RHBDD2: variants seen among roughly 807,000 people sequenced by gnomAD.
RHBDD2 encodes the protein rhomboid domain containing 2, also known as rhomboid domain-containing protein 2.
Under a neutral mutation model 21.7 loss-of-function variants are expected in RHBDD2, and 13 were observed. The ratio of observed to expected loss-of-function variants is 0.60; its 90% confidence interval spans 0.39 to 0.95. The LOEUF is 0.95. Ranked by LOEUF, RHBDD2 falls within the 40% of genes least tolerant of loss-of-function variation. RHBDD2 has a pLI of 0.00. For synonymous variants in RHBDD2, 225 were observed against 220.0 expected (o/e 1.02, Z -0.20); for missense variants, 473 against 478.9 (o/e 0.99, Z 0.11).
chr7:75,880,753 G>A (rs1394026952), intron 1 of RHBDD2, among the ~76,000 whole-genome samples: 1 of 151,936 alleles, frequency 6.6e-6, no homozygotes, highest in African/African-American at 2.4e-5. Context: ...TTAGAGATAG[G>A]GTCTTCGTCT....
chr7:75,883,082 A>G (rs531869139), intron 2 of RHBDD2, among the ~76,000 whole-genome samples: 1 of 152,316 alleles, frequency 6.6e-6, no homozygotes, highest in East Asian at 1.9e-4. Flanking sequence ...CTGCTACACC[A>G]GCAGAGGCAT....
intron 2 of RHBDD2, 87 bp downstream of exon 2, chr7:75,882,323 T>G: frequency 7.9e-7 from 1 of 1,264,154 alleles, no homozygotes; most frequent in Non-Finnish European, 1.1e-6. Flanking sequence ...TAGATAAAAT[T>G]GGGCTTACTT....
At chr7:75,884,330 T>TC (rs1361480361) in intron 3 of RHBDD2, among the ~76,000 whole-genome samples, 1 of 152,162 alleles carries the variant, frequency 6.6e-6, no homozygotes, top group Non-Finnish European at 1.5e-5. Flanking sequence ...CAAGTGATCC[T>TC]CCCACCTCAG....
In RHBDD2 at chr7:75,879,047, C is replaced by G. The variant is rs782020598; in HGVS notation, c.-36C>G. 7.3e-7 allele frequency: 1 copy of G among 1,365,206 alleles called. No homozygotes were observed. The highest frequency in any genetic ancestry group is 9.5e-7 in the Non-Finnish European group (1 of 1,056,420). The allele number at this position is 1,365,206 out of a possible 1,614,324, so 84.6% of individuals were successfully genotyped here. ...GGCGGAAGGAGCAGAGGACCGGCAG[C>G]CGGCGTCGAGGCGGGGCGCGGGAAC... On this transcript the variant is annotated 5_prime_UTR_variant, in exon 1 of 4. Coordinates refer to ENST00000006777, the MANE Select transcript of RHBDD2 (RefSeq NM_001040456.3).
intron 3 of RHBDD2, among the ~76,000 whole-genome samples, chr7:75,886,204 C>T (rs1805655196): frequency 6.6e-6 from 1 of 152,152 alleles, no homozygotes; most frequent in Admixed American, 6.6e-5. Flanking sequence ...GCCCTTAGAG[C>T]TTCTTCCAAG....
At chr7:75,883,918 G>A (rs574611181) in intron 3 of RHBDD2, 70 bp downstream of exon 3, 29 of 1,271,718 alleles carry the variant, frequency 2.3e-5, no homozygotes, top group Admixed American at 1.1e-4. Flanking sequence ...TTTTTGAGAC[G>A]GAGTCTCACT....
intron 1 of RHBDD2, among the ~76,000 whole-genome samples, chr7:75,880,773 T>A (rs1554542295): frequency 6.6e-6 from 1 of 152,220 alleles, no homozygotes; most frequent in Non-Finnish European, 1.5e-5. Flanking sequence ...TTACCCAGGC[T>A]GGAGTGCAGA....
chr7:75,881,932 G>A lies in RHBDD2; in HGVS notation c.282G>A (p.Val94=). ...WRFAGNFERT[V]GTVRHCFFTV... ...TTGCTGGCAATTTCGAGAGAACCGT[G>A]GGCACCGTCCGCCACTGCTTCTTCA... The change falls in exon 2 of 4, where the codon GTG becomes GTA. Residue 94 remains valine, a synonymous_variant. Transcript: ENST00000006777. The A allele has an allele frequency of 6.2e-7, 1 of 1,614,184 alleles. No individual in the cohort carries two copies. The highest frequency in any genetic ancestry group is 8.5e-7 in the Non-Finnish European group (1 of 1,180,040).
intron 1 of RHBDD2, 81 bp from the exon 2 acceptor site, chr7:75,881,748 G>C (rs1805334473): frequency 1.4e-6 from 2 of 1,389,578 alleles, no homozygotes; most frequent in African/African-American, 2.9e-5. Context: ...GGGGCTCTCT[G>C]CCTTTCCTAG....
At chr7:75,883,249 A>G (rs1283196692) in intron 2 of RHBDD2, among the ~76,000 whole-genome samples, 1 of 152,136 alleles carries the variant, frequency 6.6e-6, no homozygotes, top group Non-Finnish European at 1.5e-5. Flanking sequence ...GGTCAGGCGC[A>G]GTGGCTCACG....
Position 75,888,681 on chromosome 7 carries a change from A to C in RHBDD2, c.*332A>C. 3.0e-6 allele frequency: 1 copy of C among 331,330 alleles called. No homozygotes were observed. Among genetic ancestry groups the C allele is most frequent in the South Asian group, 4.1e-5 (1 of 24,514 alleles). The allele number at this position is 331,330 out of a possible 1,614,324, so 20.5% of individuals were successfully genotyped here. On this transcript the variant is annotated 3_prime_UTR_variant, in exon 4 of 4. Transcript: ENST00000006777. ...GCCGATGTCTGTCCCCAGCTCCACC[A>C]TTCCTCCCTGTGGCTGTGCCGTGCT...
Position 75,882,101 on chromosome 7 carries a change from C to G in RHBDD2, c.451C>G (p.Arg151Gly), listed in dbSNP as rs1554542700. The change falls in exon 2 of 4, where the codon CGG becomes GGG. Residue 151 changes from arginine (R) to glycine (G), a missense_variant. Coordinates refer to ENST00000006777, the MANE Select transcript of RHBDD2 (RefSeq NM_001040456.3). ...GCTGGGAGTCACCACCGTCCGTTCT[C>G]GGATGAGGCGGGCCCTGGTGTTTGG... The part of the protein sequence containing the change: ...AMLGVTTVRS[R>G]MRRALVFGMV... 1 of 1,614,206 alleles carries G rather than the reference C, an allele frequency of 6.2e-7. No homozygotes were observed. Among genetic ancestry groups the G allele is most frequent in the Non-Finnish European group, 8.5e-7 (1 of 1,180,046 alleles).
At chr7:75,881,704 C>A in intron 1 of RHBDD2, 125 bp from the exon 2 acceptor site, 1 of 1,049,746 alleles carries the variant, frequency 9.5e-7, no homozygotes. Context: ...CCTCCTGCTG[C>A]GACTCACTGG....
chr7:75,881,770 C>T, intron 1 of RHBDD2, 59 bp from the exon 2 acceptor site: 1 of 1,507,696 alleles, frequency 6.6e-7, no homozygotes, highest in Non-Finnish European at 9.0e-7. Flanking sequence ...CGGCTTATAA[C>T]CTGGCTTCCC....
intron 1 of RHBDD2, 132 bp from the exon 2 acceptor site, chr7:75,881,697 C>T (rs1249233650): frequency 2.0e-6 from 2 of 1,009,804 alleles, no homozygotes; most frequent in African/African-American, 1.6e-5. Context: ...TGTATTGCCT[C>T]CTGCTGCGAC....
intron 3 of RHBDD2, 130 bp from the exon 4 acceptor site, chr7:75,887,862 G>A (rs1297216259): frequency 1.4e-5 from 11 of 787,966 alleles, no homozygotes; most frequent in African/African-American, 3.4e-5. Flanking sequence ...CTCCCACTTG[G>A]TACTTAGAGC....
At chr7:75,880,979 A>T (rs1554542333) in intron 1 of RHBDD2, among the ~76,000 whole-genome samples, 6 of 152,058 alleles carry the variant, frequency 3.9e-5, no homozygotes. Context: ...CTTCCACCTA[A>T]GCCTCCCAAA....
chr7:75,886,773 C>T (rs1805700826), intron 3 of RHBDD2, among the ~76,000 whole-genome samples: 1 of 151,218 alleles, frequency 6.6e-6, no homozygotes, highest in Non-Finnish European at 1.5e-5. Flanking sequence ...GAGATCGCGC[C>T]ACTGCACTCC....
intron 2 of RHBDD2, 21 bp downstream of exon 2, chr7:75,882,257 C>A: frequency 6.3e-7 from 1 of 1,582,620 alleles, no homozygotes; most frequent in South Asian, 1.2e-5. Context: ...TAGCAGAGAG[C>A]TATAGAACAA....
Sources: gnomAD v4.1 joint callset for allele counts (sites outside exome capture counted in the v4.1 genomes callset) on GRCh38, gnomAD v4.1.1 for gene constraint, MANE v1.5 for transcripts, NCBI Gene and HGNC (gene_info 2026-07-23, HGNC 2026-07-21) for gene names.